ZNF283: variants seen among roughly 807,000 people sequenced by gnomAD.
The protein encoded by ZNF283 is zinc finger protein 283.
In ZNF283, 10 loss-of-function variants were observed where a neutral mutation model predicts 9.2. The observed-to-expected ratio is 1.09, with a 90% CI of 0.67 to 1.85. The LOEUF is 1.85. Ranked by LOEUF, ZNF283 falls within the 40% of genes most tolerant of loss-of-function variation. The pLI is 0.00. For missense variants in ZNF283, 631 were observed against 760.1 expected (o/e 0.83, Z 2.00); for synonymous variants, 234 against 244.1 (o/e 0.96, Z 0.38).
At chr19:43,827,674 G>A (rs1339183734) in intron 1 of ZNF283, 2 of 152,556 alleles carry the variant, frequency 1.3e-5, no homozygotes, top group Non-Finnish European at 2.9e-5. Context: ...GCAGGGACGG[G>A]GCGTGTCCCC....
At chr19:43,829,679 T>C (rs1233929459) in intron 2 of ZNF283, among the ~76,000 whole-genome samples, 1 of 152,134 alleles carries the variant, frequency 6.6e-6, no homozygotes, top group African/African-American at 2.4e-5. Flanking sequence ...TTTTTATAGA[T>C]TAGAGTAACA....
rs1405335660 is a variant in ZNF283 at position 43,850,162 on chromosome 19, G to T, written c.*1521G>T. ...AGTTTCATTCCTCATGGTGAAATTT[G>T]ATATGGGCCTCTCCTTCACATTTCT... is the stretch of plus-strand genomic sequence containing the variant. On this transcript the variant is annotated 3_prime_UTR_variant, in exon 7 of 7. Transcript: ENST00000618787. 1 of 152,182 alleles carries T rather than the reference G, an allele frequency of 6.6e-6. No individual in the cohort carries two copies. Among genetic ancestry groups the T allele is most frequent in the East Asian group, 1.9e-4 (1 of 5,196 alleles). 9.4% of individuals were successfully genotyped at this position (152,182 alleles called of 1,614,324 possible).
At chr19:43,846,831 G>C (rs963953899) in intron 6 of ZNF283, 108 bp from the exon 7 acceptor site, 4 of 842,090 alleles carry the variant, frequency 4.8e-6, no homozygotes, top group Non-Finnish European at 6.8e-6. Context: ...TAATGCCAAG[G>C]AGTGAGTTCA....
intron 2 of ZNF283, among the ~76,000 whole-genome samples, chr19:43,828,897 T>C (rs8103162): frequency 0.16 from 24,333 of 152,174 alleles, 2,138 homozygotes; most frequent in Non-Finnish European, 0.2. Flanking sequence ...TAAATGACAA[T>C]GTTGTCTGCT....
intron 4 of ZNF283, 146 bp from the exon 5 acceptor site, chr19:43,835,359 G>C (rs528859609): frequency 1.0e-5 from 6 of 599,604 alleles, no homozygotes; most frequent in Non-Finnish European, 1.8e-5. Context: ...AGACCTTTGG[G>C]GTTTAGGTGA....
chr19:43,829,315 G>A (rs1970601988), intron 2 of ZNF283, among the ~76,000 whole-genome samples: 1 of 152,178 alleles, frequency 6.6e-6, no homozygotes, highest in African/African-American at 2.4e-5. Context: ...AACCCGGGCG[G>A]TGGAGGTTGC....
intron 4 of ZNF283, among the ~76,000 whole-genome samples, chr19:43,835,028 A>G (rs1970903550): frequency 6.6e-6 from 1 of 152,166 alleles, no homozygotes; most frequent in East Asian, 1.9e-4. Context: ...TCTATTGAGT[A>G]TATCTTGATT....
rs567030130 is a variant in ZNF283, at chr19:43,848,213, A to G, written c.1612A>G (p.Thr538Ala). 2.5e-6 allele frequency: 4 copies of G among 1,613,984 alleles called. No individual in the cohort carries two copies. Among genetic ancestry groups the G allele is most frequent in the African/African-American group, 1.3e-5 (1 of 74,990 alleles). ...SSLVQHERIH[T>A]GEKPYECKEC... The stretch of plus-strand genomic sequence containing the variant: ...CCTTGTTCAACATGAAAGAATCCAT[A>G]CAGGGGAGAAACCCTATGAATGTAA... Residue 538 changes from threonine (T) to alanine (A), a missense_variant, in exon 7 of 7, where the codon ACA becomes GCA. Physicochemically the swap from Thr to Ala is moderately conservative, Grantham distance 58. Around this residue, in one of 3 missense-constraint regions of ZNF283, gnomAD observed 444 missense variants for 522.5 expected, o/e 0.85. Transcript: ENST00000618787.
intron 2 of ZNF283, among the ~76,000 whole-genome samples, chr19:43,829,978 G>A (rs146011290): frequency 0.081 from 12,404 of 152,200 alleles, 547 homozygotes; most frequent in Middle Eastern, 0.11. Flanking sequence ...TGCCGAGATC[G>A]CGCCACTGCA....
intron 2 of ZNF283, 41 bp downstream of exon 2, chr19:43,828,322 C>A (rs960228620): frequency 6.6e-6 from 1 of 152,132 alleles, no homozygotes; most frequent in Non-Finnish European, 1.5e-5. Context: ...CATACACATA[C>A]AATTACCTTT....
Position 43,847,365 on chromosome 19 carries a change from G to T in ZNF283, c.764G>T (p.Arg255Ile). The T allele has an allele frequency of 2.5e-6, 4 of 1,614,040 alleles. No individual in the cohort carries two copies. Among genetic ancestry groups the T allele is most frequent in the Non-Finnish European group, 3.4e-6 (4 of 1,179,960 alleles). ...GCCTATCAACTCAATGTGCATCAGA[G>T]ATTTCATACTGGTGAGAAACCCTAT... ...LSAYQLNVHQ[R>I]FHTGEKPYEC... The change falls in exon 7 of 7, where the codon AGA becomes ATA. Residue 255 changes from arginine (R) to isoleucine (I), a missense_variant. Arg to Ile is a moderately conservative substitution (Grantham distance 97). This residue lies in a region of ZNF283 where 444 missense variants were observed against 522.5 expected (regional missense o/e 0.85). Transcript: ENST00000618787.
chr19:43,847,659 G>A lies in ZNF283; in HGVS notation c.1058G>A (p.Gly353Glu). 1 of 1,613,738 alleles carries A rather than the reference G, an allele frequency of 6.2e-7. No individual in the cohort carries two copies. The highest frequency in any genetic ancestry group is 8.5e-7 in the Non-Finnish European group (1 of 1,179,756). Residue 353 changes from glycine (G) to glutamate (E), a missense_variant, in exon 7 of 7, where the codon GGG (glycine) becomes GAG (glutamate). Coordinates refer to ENST00000618787, the MANE Select transcript of ZNF283 (RefSeq NM_181845.2). ...AAACCTTATAAATGTAAAGAATGTG[G>A]GAAGGCCTTCAGTCGTGGCTATCAG... ...GEKPYKCKEC[G>E]KAFSRGYQLT...
chr19:43,846,720 C>T (rs962026585), intron 6 of ZNF283, among the ~76,000 whole-genome samples: 9 of 152,100 alleles, frequency 5.9e-5, no homozygotes, highest in African/African-American at 1.9e-4. Flanking sequence ...CTTGTTGAAG[C>T]GACCTCTGTG....
intron 6 of ZNF283, chr19:43,837,422 C>A: frequency 2.4e-6 from 1 of 419,914 alleles, no homozygotes; most frequent in South Asian, 9.4e-5. Flanking sequence ...CTTTAATGGC[C>A]AAGGGGCTGG....
At position 43,848,661 on chromosome 19, in the gene ZNF283, A is replaced by C. The variant is rs781455011; in HGVS notation, c.*20A>C. On this transcript the variant is annotated 3_prime_UTR_variant, in exon 7 of 7. Coordinates refer to ENST00000618787, the MANE Select transcript of ZNF283 (RefSeq NM_181845.2). Reference sequence around the variant, plus strand: ...TTATGATTGAAAGTTGTAAAAGAATATTTTGTGTGTGTGTATAGACAACTT... The same window carrying C: ...TTATGATTGAAAGTTGTAAAAGAATCTTTTGTGTGTGTGTATAGACAACTT... 1 of 1,525,214 alleles carries C rather than the reference A, an allele frequency of 6.6e-7. No individual in the cohort carries two copies. Among genetic ancestry groups the C allele is most frequent in the Non-Finnish European group, 8.8e-7 (1 of 1,136,604 alleles). The allele number at this position is 1,525,214 out of a possible 1,614,324, so 94.5% of individuals were successfully genotyped here. A position where few individuals can be genotyped will look rare whatever the true frequency, so the allele number is the denominator to read the frequency against.
Position 43,848,782 on chromosome 19 carries a change from C to A in ZNF283, c.*141C>A. The A allele has an allele frequency of 1.3e-6, 1 of 756,584 alleles. No individual in the cohort carries two copies. The allele number at this position is 756,584 out of a possible 1,614,324, so 46.9% of individuals were successfully genotyped here. On this transcript the variant is annotated 3_prime_UTR_variant, in exon 7 of 7. Coordinates refer to ENST00000618787, the MANE Select transcript of ZNF283 (RefSeq NM_181845.2). The stretch of plus-strand genomic sequence containing the variant: ...GTTTATGGGCAATTATCTTGCTATC[C>A]AGCAATTCATACTAGTGAGAAATAT...
rs1971525190 is a variant in ZNF283 at position 43,848,630 on chromosome 19, G to A, written c.2029G>A (p.Glu677Lys). Residue 677 changes from glutamate (E) to lysine (K), a missense_variant, in exon 7 of 7, where the codon GAA (glutamate) becomes AAA (lysine). This residue lies in a region of ZNF283 where 444 missense variants were observed against 522.5 expected (regional missense o/e 0.85). Coordinates refer to ENST00000618787, the MANE Select transcript of ZNF283 (RefSeq NM_181845.2). ...CTCAAATGAGAAAATTGATACTGAT[G>A]AAACCTTATGATTGAAAGTTGTAAA... ...TYSNEKIDTD[E>K]TL 3 of 1,550,284 alleles carry A rather than the reference G, an allele frequency of 1.9e-6. No homozygotes were observed. The highest frequency in any genetic ancestry group is 2.6e-6 in the Non-Finnish European group (3 of 1,147,686).
At chr19:43,839,234 G>GTT (rs57375994) in intron 6 of ZNF283, among the ~76,000 whole-genome samples, 469 of 150,110 alleles carry the variant, frequency 3.1e-3, no homozygotes, top group Non-Finnish European at 5.2e-3. Flanking sequence ...TTGGTTGACA[G>GTT]TTTTTTTTTT....
chr19:43,839,847 C>G (rs779061509), intron 6 of ZNF283, among the ~76,000 whole-genome samples: 6 of 151,820 alleles, frequency 4.0e-5, no homozygotes, highest in Admixed American at 1.3e-4. Flanking sequence ...GCTCTTGGTC[C>G]ATGGTTTCTG....
Sources: gnomAD v4.1 joint callset for allele counts (sites outside exome capture counted in the v4.1 genomes callset) on GRCh38, gnomAD v4.1.1 for gene constraint, gnomAD v4.1.1 regional missense constraint, MANE v1.5 for transcripts, NCBI Gene and HGNC (gene_info 2026-07-23, HGNC 2026-07-21) for gene names.